VPS13B: variants seen among roughly 807,000 people sequenced by gnomAD.
VPS13B encodes the protein vacuolar protein sorting 13 homolog B.
In VPS13B, 285 loss-of-function variants were observed where a neutral mutation model predicts 426.4. The observed-to-expected ratio is 0.67, with a 90% confidence interval of 0.61 to 0.74. The LOEUF (loss-of-function observed/expected upper bound fraction) is 0.74. VPS13B is among the 30% of genes least tolerant of loss of function. VPS13B has a pLI of 0.00. For missense variants in VPS13B, 4,537 were observed against 4,782.6 expected, an observed-to-expected ratio of 0.95 and a Z score of 1.51; for synonymous variants, 1,676 against 1,676.4, an observed-to-expected ratio of 1.00 and a Z score of 0.01.
chr8:99,419,794 A>G (rs1282500405), intron 21 of VPS13B, among the ~76,000 whole-genome samples: 3 of 152,072 alleles, frequency 2.0e-5, no homozygotes, highest in Non-Finnish European at 4.4e-5. Flanking sequence ...AGGTACACAT[A>G]TGATTTGTTC....
At chr8:99,269,273 C>A (rs1444185897) in intron 17 of VPS13B, among the ~76,000 whole-genome samples, 1 of 152,100 alleles carries the variant, frequency 6.6e-6, no homozygotes, top group African/African-American at 2.4e-5. Flanking sequence ...ATTGACTGTG[C>A]AGTATAACTT....
At chr8:99,667,499 A>T (rs1830534137) in intron 35 of VPS13B, among the ~76,000 whole-genome samples, 1 of 152,192 alleles carries the variant, frequency 6.6e-6, no homozygotes, top group Non-Finnish European at 1.5e-5. Context: ...TTTAAACAAA[A>T]GTACTTTTTT....
chr8:99,824,482 A>G (rs1179981806), intron 51 of VPS13B, among the ~76,000 whole-genome samples: 3 of 152,248 alleles, frequency 2.0e-5, no homozygotes, highest in African/African-American at 7.2e-5. Context: ...ATGGCAGAAT[A>G]TATGGAAAAT....
At chr8:99,489,489 T>C (rs534306615) in intron 25 of VPS13B, among the ~76,000 whole-genome samples, 6 of 152,266 alleles carry the variant, frequency 3.9e-5, no homozygotes, top group Non-Finnish European at 5.9e-5. Context: ...CAAATTACCT[T>C]GGGCAGTATG....
chr8:99,489,420 T>A (rs2133575601), intron 25 of VPS13B, among the ~76,000 whole-genome samples: 1 of 152,216 alleles, frequency 6.6e-6, no homozygotes, highest in Non-Finnish European at 1.5e-5. Flanking sequence ...TTTAAAGTAG[T>A]TTTTTCCAAT....
At chr8:99,224,182 G>C (rs761511645) in intron 17 of VPS13B, among the ~76,000 whole-genome samples, 24 of 152,164 alleles carry the variant, frequency 1.6e-4, no homozygotes, top group Admixed American at 5.9e-4. Context: ...AGATGTGCTT[G>C]TAAGTGCTGT....
At chr8:99,822,021 C>A (rs1814399280) in intron 50 of VPS13B, among the ~76,000 whole-genome samples, 1 of 152,124 alleles carries the variant, frequency 6.6e-6, no homozygotes, top group African/African-American at 2.4e-5. Flanking sequence ...AAACATAAGT[C>A]ATTTAAATAT....
intron 33 of VPS13B, among the ~76,000 whole-genome samples, chr8:99,622,410 T>A (rs1036904244): frequency 6.6e-6 from 1 of 152,200 alleles, no homozygotes; most frequent in Admixed American, 6.5e-5. Context: ...GCATATTTCT[T>A]TTTGGTAAGT....
chr8:99,559,604 G>C (rs951498105), intron 31 of VPS13B, among the ~76,000 whole-genome samples: 1 of 152,048 alleles, frequency 6.6e-6, no homozygotes, highest in Non-Finnish European at 1.5e-5. Flanking sequence ...GGAAGGGATT[G>C]AGTTTCAGCT....
chr8:99,622,098 A>G (rs1304509581), intron 33 of VPS13B, among the ~76,000 whole-genome samples: 1 of 152,042 alleles, frequency 6.6e-6, no homozygotes, highest in African/African-American at 2.4e-5. Context: ...TCAATGAATG[A>G]ATGAGCAAAA....
intron 31 of VPS13B, among the ~76,000 whole-genome samples, chr8:99,559,681 T>A (rs1274046428): frequency 6.6e-6 from 1 of 152,224 alleles, no homozygotes; most frequent in Non-Finnish European, 1.5e-5. Context: ...CCCCATTGCT[T>A]GTTTTTGTCA....
chr8:99,178,927 A>G (rs1356759462), intron 16 of VPS13B, among the ~76,000 whole-genome samples: 1 of 152,044 alleles, frequency 6.6e-6, no homozygotes, highest in Admixed American at 6.6e-5. Flanking sequence ...CGCCCTAGAC[A>G]TCTTTTGATT....
At chr8:99,501,904 C>T (rs1563764183) in intron 26 of VPS13B, 46 bp downstream of exon 26, 1 of 1,355,314 alleles carries the variant, frequency 7.4e-7, no homozygotes. Flanking sequence ...CTGTCCCTCC[C>T]TCCCTCCCTC....
chr8:99,435,313 C>T (rs1011478722), intron 22 of VPS13B, among the ~76,000 whole-genome samples: 1 of 152,008 alleles, frequency 6.6e-6, no homozygotes, highest in Non-Finnish European at 1.5e-5. Flanking sequence ...TAAAAATAAC[C>T]TCATTCCCTC....
chr8:99,424,114 T>C (rs1014575211), intron 21 of VPS13B, among the ~76,000 whole-genome samples: 1 of 152,178 alleles, frequency 6.6e-6, no homozygotes, highest in Non-Finnish European at 1.5e-5. Flanking sequence ...CATATATATT[T>C]AGGATAGTTA....
intron 33 of VPS13B, among the ~76,000 whole-genome samples, chr8:99,594,503 A>G (rs975519114): frequency 7.9e-5 from 12 of 151,914 alleles, no homozygotes; most frequent in African/African-American, 2.7e-4. Context: ...CTCTTTTTCT[A>G]TCTACTACAT....
At chr8:99,278,515 T>C (rs1819009340) in intron 19 of VPS13B, among the ~76,000 whole-genome samples, 1 of 152,220 alleles carries the variant, frequency 6.6e-6, no homozygotes, top group Admixed American at 6.5e-5. Context: ...ATTTGTGTCT[T>C]GCAGAGGAGG....
intron 29 of VPS13B, among the ~76,000 whole-genome samples, chr8:99,512,003 G>A (rs1265285435): frequency 6.6e-6 from 1 of 152,140 alleles, no homozygotes; most frequent in East Asian, 1.9e-4. Context: ...CAACATGGTG[G>A]TGCACACCTG....
intron 27 of VPS13B, among the ~76,000 whole-genome samples, chr8:99,504,957 GTA>G (rs140978418): frequency 0.027 from 4,080 of 152,268 alleles, 77 homozygotes; most frequent in South Asian, 0.06. Context: ...TACATCTTTT[GTA>G]TAACTTGCTG....
Sources: gnomAD v4.1 joint callset for allele counts (sites outside exome capture counted in the v4.1 genomes callset) on GRCh38, gnomAD v4.1.1 for gene constraint, MANE v1.5 for transcripts, NCBI Gene and HGNC (gene_info 2026-07-23, HGNC 2026-07-21) for gene names.